The following SPEF2 variants were observed in gnomAD, a reference collection of about 807,000 sequenced individuals.
SPEF2 encodes sperm flagella and cilia-associated protein 2.
In SPEF2, 187 loss-of-function variants were observed where a neutral mutation model predicts 224.6. The ratio of observed to expected loss-of-function variants is 0.83; its 90% CI spans 0.74 to 0.94. The LOEUF (loss-of-function observed/expected upper bound fraction) is 0.94. SPEF2 is among the 40% of genes least tolerant of loss of function. The probability of loss-of-function intolerance (pLI) is 0.00; values close to 1 mark genes in which losing one functional copy is unlikely to be tolerated. For missense variants in SPEF2, 2,170 were observed against 2,135.6 expected (o/e 1.02, Z -0.32); for synonymous variants, 715 against 707.3 (o/e 1.01, Z -0.17).
intron 24 of SPEF2, among the ~76,000 whole-genome samples, chr5:35,756,362 C>T (rs1005447423): frequency 2.0e-5 from 3 of 152,140 alleles, no homozygotes; most frequent in African/African-American, 7.2e-5. Flanking sequence ...TACTGTATTC[C>T]TAACCACTGA....
Position 35,740,212 on chromosome 5 carries a change from C to T in SPEF2, c.3275C>T (p.Pro1092Leu), listed in dbSNP as rs1747377718. The change falls in exon 23 of 37, where the codon CCT becomes CTT. Residue 1092 changes from proline (P) to leucine (L), a missense_variant. Coordinates refer to ENST00000356031, the MANE Select transcript of SPEF2 (RefSeq NM_024867.4). ...AQWQADFNSL[P>L]DDLWDDEETK... is the part of the protein sequence containing the mutation. ...TGGCAGGCTGATTTCAACTCCCTTC[C>T]TGATGACCTGTGGGATGATGAGGAA... is the stretch of plus-strand genomic sequence containing the variant. 6.2e-7 allele frequency: 1 copy of T among 1,614,108 alleles called. No individual in the cohort carries two copies. Among genetic ancestry groups the T allele is most frequent in the Non-Finnish European group, 8.5e-7 (1 of 1,180,006 alleles).
chr5:35,724,267 C>G lies in SPEF2; in HGVS notation c.2915-3408C>G, dbSNP rs60982181. ...AATTTGCACACTAAATTGCTCATAA[C>G]TTCCCTGACTTTTGCCTCAATAATG... On this transcript the variant is annotated intron_variant, in intron 20 of 36. Coordinates refer to ENST00000356031, the MANE Select transcript of SPEF2 (RefSeq NM_024867.4). 2.0e-3 allele frequency among the ~76,000 whole-genome samples: 305 copies of G among 152,222 alleles called. 2 individuals are homozygous for G. The highest frequency in any genetic ancestry group is 7.1e-3 in the African/African-American group (297 of 41,544).
chr5:35,728,421 C>T (rs181316092), intron 21 of SPEF2, among the ~76,000 whole-genome samples: 3 of 152,280 alleles, frequency 2.0e-5, no homozygotes, highest in African/African-American at 7.2e-5. Flanking sequence ...TCAGAAAGTC[C>T]ACAGAATGGT....
chr5:35,788,178 C>T (rs1561365303), intron 30 of SPEF2: 1 of 702,940 alleles, frequency 1.4e-6, no homozygotes, highest in Non-Finnish European at 2.6e-6. Flanking sequence ...AGTAGCTCTC[C>T]AGTGAACAGA....
intron 1 of SPEF2, among the ~76,000 whole-genome samples, chr5:35,625,687 A>C (rs1325840190): frequency 6.6e-6 from 1 of 152,174 alleles, no homozygotes; most frequent in Admixed American, 6.5e-5. Context: ...GAATAGGGAT[A>C]GGCTAGGGAG....
chr5:35,800,192 A>G, intron 34 of SPEF2, 45 bp downstream of exon 34: 1 of 1,580,872 alleles, frequency 6.3e-7, no homozygotes, highest in Admixed American at 1.8e-5. Context: ...TCTAGAGGGG[A>G]TGCCTGAAGA....
intron 25 of SPEF2, among the ~76,000 whole-genome samples, chr5:35,760,098 A>C (rs1751023717): frequency 2.0e-5 from 3 of 152,306 alleles, no homozygotes; most frequent in African/African-American, 7.2e-5. Flanking sequence ...GCGGTGGCTC[A>C]CACCTGTAAT....
Position 35,734,273 on chromosome 5 carries a change from C to T in SPEF2, c.3064-5646C>T, listed in dbSNP as rs377543962. 1.2e-4 allele frequency among the ~76,000 whole-genome samples: 19 copies of T among 152,270 alleles called. No homozygotes were observed. The East Asian group carries it at 3.3e-3, about 26-fold the overall frequency. On this transcript the variant is annotated intron_variant, in intron 21 of 36. Coordinates refer to ENST00000356031, the MANE Select transcript of SPEF2 (RefSeq NM_024867.4). ...TGCAAACACTAGCCTGCATTCTCTC[C>T]GTTACATATGCCAAGAACATTCCCA...
intron 28 of SPEF2, among the ~76,000 whole-genome samples, chr5:35,775,270 T>G (rs1389078832): frequency 6.6e-6 from 1 of 151,520 alleles, no homozygotes; most frequent in Non-Finnish European, 1.5e-5. Flanking sequence ...AAAAAAAATG[T>G]GATATTGGTG....
chr5:35,773,991 G>A lies in SPEF2; in HGVS notation c.4048G>A (p.Glu1350Lys), dbSNP rs757250969. Residue 1350 changes from glutamate to lysine, a missense_variant, in exon 28 of 37, where the codon GAA (glutamate) becomes AAA (lysine). Coordinates refer to ENST00000356031, the MANE Select transcript of SPEF2 (RefSeq NM_024867.4). ...RKNELRVKIK[E>K]EHLAALQFEE... ...AAATGAACTGAGGGTCAAAATAAAA[G>A]AAGAACACCTTGCTGCCTTGCAATT... 19 of 1,612,820 alleles carry A rather than the reference G, an allele frequency of 1.2e-5. No individual in the cohort carries two copies. Among genetic ancestry groups the A allele is most frequent in the Non-Finnish European group, 1.5e-5 (18 of 1,179,418 alleles).
intron 32 of SPEF2, 98 bp from the exon 33 acceptor site, chr5:35,795,605 T>A (rs1286229113): frequency 2.1e-6 from 2 of 973,968 alleles, no homozygotes; most frequent in Non-Finnish European, 3.0e-6. Flanking sequence ...GGGAGACAAC[T>A]GCTCTAGAGA....
At chr5:35,713,762 TATATATA>T in intron 20 of SPEF2, among the ~76,000 whole-genome samples, 1 of 130,626 alleles carries the variant, frequency 7.7e-6, no homozygotes, top group African/African-American at 2.9e-5. Context: ...ATATATATTT[TATATATA>T]GTATATATAT....
At chr5:35,713,025 A>T in intron 20 of SPEF2, 139 bp downstream of exon 20, 1 of 788,382 alleles carries the variant, frequency 1.3e-6, no homozygotes, top group Non-Finnish European at 1.9e-6. Context: ...CTTGCCAAAG[A>T]ATATAGTCGC....
intron 23 of SPEF2, among the ~76,000 whole-genome samples, 196 bp downstream of exon 23, chr5:35,740,463 A>G (rs1470999797): frequency 6.6e-6 from 1 of 152,164 alleles, no homozygotes; most frequent in Non-Finnish European, 1.5e-5. Flanking sequence ...CCATAGCAAC[A>G]CTTCTGGAAA....
At chr5:35,759,017 A>AAAAAAT (rs1203887280) in intron 24 of SPEF2, among the ~76,000 whole-genome samples, 1 of 150,550 alleles carries the variant, frequency 6.6e-6, no homozygotes, top group African/African-American at 2.4e-5. Context: ...AAAAAAAAAA[A>AAAAAAT]AAAAAAAAAA....
At chr5:35,772,290 A>G (rs1196690641) in intron 27 of SPEF2, among the ~76,000 whole-genome samples, 1 of 152,180 alleles carries the variant, frequency 6.6e-6, no homozygotes, top group Non-Finnish European at 1.5e-5. Context: ...CTGAAGTGGA[A>G]TCCTGGGAAG....
chr5:35,684,292 T>G (rs1753261661), intron 10 of SPEF2, among the ~76,000 whole-genome samples: 1 of 152,220 alleles, frequency 6.6e-6, no homozygotes, highest in South Asian at 2.1e-4. Context: ...GATGCTTACC[T>G]TGACTCAGCC....
At chr5:35,781,281 G>T (rs1168112055) in intron 30 of SPEF2, 1 of 152,208 alleles carries the variant, frequency 6.6e-6, no homozygotes, top group Non-Finnish European at 1.5e-5. Flanking sequence ...CTGGGACACA[G>T]TATGAATGTT....
At chr5:35,767,059 A>G in intron 26 of SPEF2, among the ~76,000 whole-genome samples, 1 of 151,768 alleles carries the variant, frequency 6.6e-6, no homozygotes, top group Middle Eastern at 3.5e-3. Flanking sequence ...ATTTTGATAT[A>G]TTATTTTACT....
Sources: gnomAD v4.1 joint callset for allele counts (sites outside exome capture counted in the v4.1 genomes callset) on GRCh38, gnomAD v4.1.1 for gene constraint, MANE v1.5 for transcripts, NCBI Gene and HGNC (gene_info 2026-07-23, HGNC 2026-07-21) for gene names.